The following PPP1R16B variants were observed in gnomAD, a reference collection of about 807,000 sequenced individuals.
The protein encoded by PPP1R16B is protein phosphatase 1 regulatory subunit 16B, also known as protein phosphatase 1 regulatory inhibitor subunit 16B.
In PPP1R16B, 14 loss-of-function variants were observed where a neutral mutation model predicts 61.7. The ratio of observed to expected loss-of-function variants is 0.23; its 90% confidence interval spans 0.15 to 0.35. The LOEUF is 0.35. Among genes scored for constraint, PPP1R16B ranks in the 10% least tolerant of loss-of-function variants. The pLI, the probability that PPP1R16B is intolerant of heterozygous loss-of-function variation, is 1.00. For synonymous variants in PPP1R16B, 266 were observed against 305.3 expected (o/e 0.87, Z 1.34); for missense variants, 547 against 752.5 (o/e 0.73, Z 3.19).
intron 10 of PPP1R16B, among the ~76,000 whole-genome samples, chr20:38,912,585 G>A (rs2085501362): frequency 6.6e-6 from 1 of 151,728 alleles, no homozygotes; most frequent in Admixed American, 6.6e-5. Context: ...TGAGGCAGGA[G>A]GATTGCTTGA....
chr20:38,833,524 T>A (rs974156213), intron 1 of PPP1R16B, among the ~76,000 whole-genome samples: 1 of 152,234 alleles, frequency 6.6e-6, no homozygotes, highest in African/African-American at 2.4e-5. Context: ...CTGGGTGAAG[T>A]GTACACAGAA....
chr20:38,869,193 G>C (rs185927927), intron 2 of PPP1R16B, among the ~76,000 whole-genome samples: 1 of 151,072 alleles, frequency 6.6e-6, no homozygotes, highest in Non-Finnish European at 1.5e-5. Context: ...CAGTCTTGAC[G>C]TGTCACCCAG....
At position 38,905,988 on chromosome 20, in the gene PPP1R16B, A is replaced by G. The variant is rs754961247; in HGVS notation, c.716A>G (p.Asn239Ser). ...GATLLHIAGA[N>S]GYLRAAELLL... ...CTCCAGCTGCACATAGCTGGAGCCA[A>G]TGGATACCTGCGGGCAGCTGAGCTC... Residue 239 changes from asparagine (N) to serine (S), a missense_variant, in exon 7 of 11, where the codon AAT becomes AGT. By Grantham distance (46) the Asn-to-Ser change is conservative (BLOSUM62 1). Coordinates refer to ENST00000299824, the MANE Select transcript of PPP1R16B (RefSeq NM_015568.4). The G allele has an allele frequency of 1.2e-5, 20 of 1,613,346 alleles. No individual in the cohort carries two copies. The highest frequency in any genetic ancestry group is 1.5e-5 in the Non-Finnish European group (18 of 1,179,742).
At chr20:38,823,143 T>C (rs2084783228) in intron 1 of PPP1R16B, among the ~76,000 whole-genome samples, 1 of 152,214 alleles carries the variant, frequency 6.6e-6, no homozygotes, top group South Asian at 2.1e-4. Context: ...TACAGCCTGC[T>C]TCTCTGCATG....
chr20:38,878,335 A>G lies in PPP1R16B; in HGVS notation c.251-11260A>G, dbSNP rs571632397. ...TTGAAAGCCAAGGCAGAGACAGGGG[A>G]GGTAGTTTTGGGACAGCAGAACAGG... On this transcript the variant is annotated intron_variant, in intron 2 of 10. Transcript: ENST00000299824. Among the ~76,000 whole-genome samples the G allele has an allele frequency of 7.2e-5, 11 of 152,240 alleles. No homozygotes were observed. The South Asian group carries it at 2.3e-3, about 32-fold the overall frequency.
chr20:38,836,189 T>A lies in PPP1R16B; in HGVS notation c.250+14T>A, dbSNP rs2084870844. On this transcript the variant is annotated intron_variant, in intron 2 of 10. Coordinates refer to ENST00000299824, the MANE Select transcript of PPP1R16B (RefSeq NM_015568.4). ...ACGCCGAGGAAGGTAGGCCCCTCTG[T>A]GCCTTGGCGGCCACGCAGCTGCCTT... 6.2e-7 allele frequency: 1 copy of A among 1,601,392 alleles called. No individual in the cohort carries two copies.
intron 2 of PPP1R16B, among the ~76,000 whole-genome samples, chr20:38,885,501 C>T (rs893596941): frequency 3.3e-5 from 5 of 152,340 alleles, no homozygotes; most frequent in Non-Finnish European, 5.9e-5. Flanking sequence ...CAGGTCTCGA[C>T]GTGGCAGAAA....
intron 1 of PPP1R16B, among the ~76,000 whole-genome samples, chr20:38,809,192 G>C (rs2084682628): frequency 6.6e-6 from 1 of 150,396 alleles, no homozygotes; most frequent in Non-Finnish European, 1.5e-5. Context: ...GTGCGACCCT[G>C]TCTCTTCTGC....
chr20:38,810,173 C>T (rs1041066933), intron 1 of PPP1R16B, among the ~76,000 whole-genome samples: 1 of 152,164 alleles, frequency 6.6e-6, no homozygotes, highest in Non-Finnish European at 1.5e-5. Flanking sequence ...GGTAGGGCAG[C>T]CCTAGCCGGG....
In PPP1R16B at chr20:38,872,440, G is replaced by A. The variant is rs531515094; in HGVS notation, c.251-17155G>A. On this transcript the variant is annotated intron_variant, in intron 2 of 10. Coordinates refer to ENST00000299824, the MANE Select transcript of PPP1R16B (RefSeq NM_015568.4). ...GAGAGGAGTTGGGCATTTCTAGAGC[G>A]CAGGAGGCAGAGAAGACTGGTTAGA... is the stretch of plus-strand genomic sequence containing the variant. Among the ~76,000 whole-genome samples the A allele has an allele frequency of 5.9e-5, 9 of 152,316 alleles. No individual in the cohort carries two copies. In the South Asian group the frequency reaches 1.2e-3, roughly 21 times the overall value.
intron 2 of PPP1R16B, among the ~76,000 whole-genome samples, chr20:38,847,815 A>G (rs1375640284): frequency 6.6e-6 from 1 of 152,102 alleles, no homozygotes; most frequent in Admixed American, 6.6e-5. Flanking sequence ...TATGGTTCAT[A>G]TATTTTCTGC....
At chr20:38,912,310 G>T (rs1411459932) in intron 10 of PPP1R16B, among the ~76,000 whole-genome samples, 4 of 151,830 alleles carry the variant, frequency 2.6e-5, no homozygotes, top group African/African-American at 9.7e-5. Context: ...TGTTAAGGTG[G>T]GAATTCTCAA....
At chr20:38,878,600 A>G (rs971251882) in intron 2 of PPP1R16B, among the ~76,000 whole-genome samples, 1 of 152,244 alleles carries the variant, frequency 6.6e-6, no homozygotes, top group African/African-American at 2.4e-5. Flanking sequence ...GGAAAATCAT[A>G]TAAGTTATCT....
intron 2 of PPP1R16B, among the ~76,000 whole-genome samples, chr20:38,888,183 G>A (rs891373124): frequency 6.6e-6 from 1 of 152,248 alleles, no homozygotes; most frequent in South Asian, 2.1e-4. Context: ...TGGGGATTAG[G>A]GGATGTGGAC....
intron 2 of PPP1R16B, chr20:38,873,018 T>G (rs1047670792): frequency 6.6e-6 from 1 of 152,340 alleles, no homozygotes; most frequent in Non-Finnish European, 1.5e-5. Context: ...GCATGGCTGC[T>G]GAGGACAGGG....
intron 1 of PPP1R16B, among the ~76,000 whole-genome samples, chr20:38,808,330 G>A (rs559637825): frequency 6.6e-6 from 1 of 152,292 alleles, no homozygotes; most frequent in African/African-American, 2.4e-5. Flanking sequence ...CAGGTGCTGT[G>A]CTTGGACTCT....
intron 2 of PPP1R16B, chr20:38,872,765 G>C (rs1278270837): frequency 6.5e-6 from 1 of 152,718 alleles, no homozygotes; most frequent in Non-Finnish European, 1.5e-5. Context: ...GAAAACTGTG[G>C]GTGTGCGGCA....
intron 1 of PPP1R16B, among the ~76,000 whole-genome samples, chr20:38,825,667 A>C (rs1486617980): frequency 2.0e-5 from 3 of 152,180 alleles, no homozygotes; most frequent in African/African-American, 7.2e-5. Flanking sequence ...CATGGATGCC[A>C]CAGTGAGTTG....
At chr20:38,894,460 C>T (rs1165373976) in intron 3 of PPP1R16B, among the ~76,000 whole-genome samples, 1 of 152,226 alleles carries the variant, frequency 6.6e-6, no homozygotes, top group Non-Finnish European at 1.5e-5. Context: ...CACACATGTA[C>T]GTGGGCGTGC....
Sources: allele counts gnomAD v4.1 joint callset (sites outside exome capture counted in the v4.1 genomes callset), GRCh38; gene constraint gnomAD v4.1.1; transcripts MANE v1.5; gene names NCBI Gene and HGNC (gene_info 2026-07-23, HGNC 2026-07-21).